The following SUGCT variants were observed in gnomAD, a reference collection of about 807,000 sequenced individuals.
SUGCT encodes succinyl-CoA:glutarate-CoA transferase, also known as succinyl-CoA:glutarate CoA-transferase.
Under a neutral mutation model 55.0 loss-of-function variants are expected in SUGCT, and 41 were observed. That is an observed-to-expected ratio of 0.74 (90% CI 0.58 to 0.97). SUGCT has a LOEUF of 0.97. Among genes scored for constraint, SUGCT ranks in the 50% least tolerant of loss-of-function variants. The pLI, the probability that SUGCT is intolerant of heterozygous loss-of-function variation, is 0.00. For missense variants in SUGCT, 568 were observed against 547.8 expected, an observed-to-expected ratio of 1.04 and a Z score of -0.37; for synonymous variants, 187 against 200.4, an observed-to-expected ratio of 0.93 and a Z score of 0.56.
rs150829978 is a variant in SUGCT at position 40,297,789 on chromosome 7, C to T, written c.721-18971C>T. Among the ~76,000 whole-genome samples, 685 of 152,170 alleles carry T rather than the reference C, an allele frequency of 4.5e-3. 4 individuals carry two copies. Among genetic ancestry groups the T allele is most frequent in the African/African-American group, 0.015 (633 of 41,514 alleles). On this transcript the variant is annotated intron_variant, in intron 8 of 13. Transcript: ENST00000335693. The stretch of plus-strand genomic sequence containing the variant: ...ACTCTAAACTACATCATTTCCTGAA[C>T]TTTCTAATGTATTCTCAAGCATGTC...
At chr7:40,924,265 C>CGTGTGTGTGTGTGT in the SUGCT span, among the ~76,000 whole-genome samples, 12,465 of 135,886 alleles carry the variant, frequency 0.092, 572 homozygotes, top group Non-Finnish European at 0.11. Flanking sequence ...CTTTCAATTA[C>CGTGTGTGTGTGTGT]GTGTGTGTGT....
At chr7:40,729,798 C>T (rs1346036803) in intron 12 of SUGCT, among the ~76,000 whole-genome samples, 1 of 152,120 alleles carries the variant, frequency 6.6e-6, no homozygotes, top group African/African-American at 2.4e-5. Flanking sequence ...AGCAGGAAAA[C>T]ACACGCCACT....
At chr7:40,519,111 A>G (rs959294810) in intron 12 of SUGCT, among the ~76,000 whole-genome samples, 2 of 152,188 alleles carry the variant, frequency 1.3e-5, no homozygotes, top group East Asian at 3.9e-4. Flanking sequence ...CCAAAAGTCC[A>G]TAACCTCAAT....
chr7:40,906,662 C>A, the SUGCT span, among the ~76,000 whole-genome samples: 1 of 152,070 alleles, frequency 6.6e-6, no homozygotes, highest in Non-Finnish European at 1.5e-5. Flanking sequence ...AGAGGATGTG[C>A]GTAGGTTATA....
chr7:40,869,681 T>C, the SUGCT span, among the ~76,000 whole-genome samples: 1 of 150,332 alleles, frequency 6.7e-6, no homozygotes, highest in Non-Finnish European at 1.5e-5. Flanking sequence ...ATTTTTTTTT[T>C]CTCATCCAGG....
At chr7:40,898,312 C>T in the SUGCT span, among the ~76,000 whole-genome samples, 1 of 152,110 alleles carries the variant, frequency 6.6e-6, no homozygotes, top group African/African-American at 2.4e-5. Flanking sequence ...TGCTTTGCTG[C>T]GTTTAAGAGC....
chr7:40,682,211 G>T (rs1028303255), intron 12 of SUGCT, among the ~76,000 whole-genome samples: 3 of 152,168 alleles, frequency 2.0e-5, no homozygotes, highest in African/African-American at 7.2e-5. Flanking sequence ...TCTCAGCCTG[G>T]AAAGGGCATG....
At chr7:41,024,202 A>G in the SUGCT span, among the ~76,000 whole-genome samples, 1 of 152,200 alleles carries the variant, frequency 6.6e-6, no homozygotes, top group Non-Finnish European at 1.5e-5. Flanking sequence ...TACGTTCCAA[A>G]GGATTAAAGG....
At chr7:40,278,743 T>C (rs1278726841) in intron 8 of SUGCT, among the ~76,000 whole-genome samples, 3 of 152,094 alleles carry the variant, frequency 2.0e-5, no homozygotes, top group African/African-American at 7.2e-5. Context: ...CTCTATGCTC[T>C]TGACCTTCTT....
chr7:41,024,687 G>A, the SUGCT span, among the ~76,000 whole-genome samples: 106 of 147,640 alleles, frequency 7.2e-4, no homozygotes, highest in Admixed American at 3.8e-3. Flanking sequence ...AGGATGCCTC[G>A]TTATAACAAG....
At chr7:40,310,292 A>G (rs1044668208) in intron 8 of SUGCT, among the ~76,000 whole-genome samples, 2 of 152,204 alleles carry the variant, frequency 1.3e-5, no homozygotes, top group Non-Finnish European at 2.9e-5. Flanking sequence ...GTCGAGGAAA[A>G]TTCTACAAAA....
At chr7:40,469,255 AG>A (rs1790283317) in intron 11 of SUGCT, among the ~76,000 whole-genome samples, 1 of 152,050 alleles carries the variant, frequency 6.6e-6, no homozygotes, top group African/African-American at 2.4e-5. Flanking sequence ...CTACATATTT[AG>A]TTTATTGTAA....
intron 9 of SUGCT, among the ~76,000 whole-genome samples, chr7:40,335,751 C>A (rs1796655360): frequency 6.6e-6 from 1 of 152,240 alleles, no homozygotes; most frequent in African/African-American, 2.4e-5. Context: ...CTTTCTCCTC[C>A]CTGATTGCCC....
At chr7:40,960,225 C>T in the SUGCT span, among the ~76,000 whole-genome samples, 1 of 152,110 alleles carries the variant, frequency 6.6e-6, no homozygotes, top group Non-Finnish European at 1.5e-5. Flanking sequence ...AAACAACTAC[C>T]CACAAAAGGT....
At chr7:40,426,846 C>A (rs1012672545) in intron 9 of SUGCT, among the ~76,000 whole-genome samples, 1 of 152,008 alleles carries the variant, frequency 6.6e-6, no homozygotes, top group East Asian at 1.9e-4. Flanking sequence ...TAGGGTCTTG[C>A]TCTGTCACCC....
chr7:41,026,414 G>T, the SUGCT span, among the ~76,000 whole-genome samples: 1 of 152,298 alleles, frequency 6.6e-6, no homozygotes, highest in South Asian at 2.1e-4. Flanking sequence ...CTGTACTAAG[G>T]AGTTCCTGCA....
chr7:40,522,691 G>C (rs2151577898), intron 12 of SUGCT, among the ~76,000 whole-genome samples: 1 of 152,070 alleles, frequency 6.6e-6, no homozygotes, highest in East Asian at 1.9e-4. Context: ...GCAGTAGCTA[G>C]ACTGAGTTCT....
chr7:40,513,752 C>T (rs191431725), intron 12 of SUGCT, among the ~76,000 whole-genome samples: 37 of 148,476 alleles, frequency 2.5e-4, no homozygotes, highest in African/African-American at 8.9e-4. Flanking sequence ...AGAGATAATG[C>T]TTACTGTGTG....
At chr7:40,275,655 T>C (rs1237888561) in intron 8 of SUGCT, among the ~76,000 whole-genome samples, 1 of 152,174 alleles carries the variant, frequency 6.6e-6, no homozygotes, top group Non-Finnish European at 1.5e-5. Context: ...TAGAATAAAA[T>C]GCTAAATTTT....
Sources: gnomAD v4.1 joint callset for allele counts (sites outside exome capture counted in the v4.1 genomes callset) on GRCh38, gnomAD v4.1.1 for gene constraint, MANE v1.5 for transcripts, NCBI Gene and HGNC (gene_info 2026-07-23, HGNC 2026-07-21) for gene names.